NFIB: variants seen among roughly 807,000 people sequenced by gnomAD.
NFIB encodes nuclear factor I B.
Under a neutral mutation model 61.5 loss-of-function variants are expected in NFIB, and 11 were observed. The ratio of observed to expected loss-of-function variants is 0.18; its 90% CI spans 0.11 to 0.30. NFIB has a LOEUF of 0.30. Among genes scored for constraint, NFIB ranks in the 10% least tolerant of loss-of-function variants. NFIB has a pLI of 1.00. For synonymous variants in NFIB, 260 were observed against 216.5 expected (o/e 1.20, Z -1.76); for missense variants, 471 against 608.9 (o/e 0.77, Z 2.38).
chr9:14,469,808 A>C, the NFIB span, among the ~76,000 whole-genome samples: 3 of 152,184 alleles, frequency 2.0e-5, no homozygotes, highest in African/African-American at 7.2e-5. Context: ...TCCAACTCAA[A>C]CTAACCCAAG....
At chr9:14,146,657 A>G (rs1468024182) in intron 6 of NFIB, 32 bp downstream of exon 6, 8 of 1,612,414 alleles carry the variant, frequency 5.0e-6, no homozygotes, top group Admixed American at 3.3e-5. Context: ...CATTTTACTC[A>G]TGGTCTCTAG....
At chr9:14,173,161 C>A (rs896135650) in intron 3 of NFIB, among the ~76,000 whole-genome samples, 1 of 152,196 alleles carries the variant, frequency 6.6e-6, no homozygotes, top group African/African-American at 2.4e-5. Context: ...TATCAAGCAC[C>A]TGCTATCTGT....
At chr9:14,200,015 G>T (rs2048862117) in intron 2 of NFIB, among the ~76,000 whole-genome samples, 1 of 152,138 alleles carries the variant, frequency 6.6e-6, no homozygotes, top group Non-Finnish European at 1.5e-5. Context: ...GTTCCTTACT[G>T]CTGCTGCTAA....
At chr9:14,266,602 A>G (rs2057223543) in intron 2 of NFIB, among the ~76,000 whole-genome samples, 2 of 151,900 alleles carry the variant, frequency 1.3e-5, no homozygotes, top group Non-Finnish European at 2.9e-5. Flanking sequence ...CTCAAAAAAA[A>G]AACAATAAAA....
chr9:14,315,614 C>G (rs906401528), upstream of NFIB, among the ~76,000 whole-genome samples: 22 of 147,480 alleles, frequency 1.5e-4, no homozygotes, highest in African/African-American at 5.2e-4. Flanking sequence ...GCTCGGCGCC[C>G]GCGCCGGCTC....
chr9:14,346,193 G>C (rs577513762), intron 1 of NFIB, among the ~76,000 whole-genome samples: 15 of 151,734 alleles, frequency 9.9e-5, no homozygotes, highest in African/African-American at 3.6e-4. Context: ...GGGCGCCGGA[G>C]TCAAGTCTCC....
At chr9:14,193,362 C>A (rs952694662) in intron 2 of NFIB, among the ~76,000 whole-genome samples, 1 of 152,112 alleles carries the variant, frequency 6.6e-6, no homozygotes, top group Non-Finnish European at 1.5e-5. Flanking sequence ...AAATATGATA[C>A]ATTTACTTAT....
At chr9:14,316,874 AAG>A (rs2060555402), upstream of NFIB, among the ~76,000 whole-genome samples, 1 of 152,136 alleles carries the variant, frequency 6.6e-6, no homozygotes, top group African/African-American at 2.4e-5. Context: ...TTTACCATAA[AAG>A]ACATTCCCCT....
the NFIB span, among the ~76,000 whole-genome samples, chr9:14,521,056 A>T: frequency 3.3e-5 from 5 of 152,218 alleles, no homozygotes; most frequent in African/African-American, 1.2e-4. Flanking sequence ...GCTGAACAAA[A>T]GCAGCAATGA....
chr9:14,204,675 C>T (rs1176666874), intron 2 of NFIB: 1 of 636,192 alleles, frequency 1.6e-6, no homozygotes, highest in South Asian at 1.8e-5. Context: ...AACACCATCA[C>T]CACCTTGGTG....
the NFIB span, among the ~76,000 whole-genome samples, chr9:14,501,165 G>T: frequency 6.6e-6 from 1 of 152,130 alleles, no homozygotes; most frequent in Non-Finnish European, 1.5e-5. Context: ...AGAAGATACA[G>T]TCCTGTAGTT....
intron 2 of NFIB, among the ~76,000 whole-genome samples, chr9:14,228,916 G>A (rs2052774221): frequency 6.6e-6 from 1 of 151,814 alleles, no homozygotes; most frequent in Non-Finnish European, 1.5e-5. Flanking sequence ...TGGAATCTTA[G>A]AAATTCCTTT....
At chr9:14,386,175 A>G (rs961970700) in intron 1 of NFIB, among the ~76,000 whole-genome samples, 2 of 152,206 alleles carry the variant, frequency 1.3e-5, no homozygotes, top group Non-Finnish European at 2.9e-5. Context: ...TATATTACAT[A>G]CACTTGTCCA....
At chr9:14,401,266 C>T (rs1319350369), upstream of NFIB, among the ~76,000 whole-genome samples, 1 of 152,192 alleles carries the variant, frequency 6.6e-6, no homozygotes, top group Non-Finnish European at 1.5e-5. Context: ...GAGTCAATGT[C>T]CTGAATCTGT....
chr9:14,426,810 T>C, the NFIB span, among the ~76,000 whole-genome samples: 1 of 152,182 alleles, frequency 6.6e-6, no homozygotes, highest in Non-Finnish European at 1.5e-5. Flanking sequence ...CCTACTTCCC[T>C]GCCTGGGGAA....
chr9:14,462,278 T>C, the NFIB span, among the ~76,000 whole-genome samples: 2 of 151,942 alleles, frequency 1.3e-5, no homozygotes, highest in African/African-American at 4.8e-5. Flanking sequence ...TTTTTTTTCT[T>C]TTTTTCTTTT....
At chr9:14,347,581 T>TGGGTGAGGGGAGAA (rs1226325112) in intron 1 of NFIB, among the ~76,000 whole-genome samples, 11 of 95,606 alleles carry the variant, frequency 1.2e-4, no homozygotes, top group African/African-American at 4.5e-4. Context: ...TGGGTGCGAT[T>TGGGTGAGGGGAGAA]GGGAGAGGGG....
intron 1 of NFIB, among the ~76,000 whole-genome samples, chr9:14,378,275 T>A (rs2061442742): frequency 6.6e-6 from 1 of 152,230 alleles, no homozygotes; most frequent in African/African-American, 2.4e-5. Context: ...CTGGTTCATA[T>A]GTAGGGCTCA....
rs559064128 is a variant in NFIB at position 14,124,200 on chromosome 9, C to T, written c.1060+1432G>A. 2.0e-5 allele frequency among the ~76,000 whole-genome samples: 3 copies of T among 152,272 alleles called. No individual in the cohort carries two copies. In the East Asian group the frequency reaches 5.8e-4, roughly 29 times the overall value. ...TCCTGTTTCGTTATATAAAAATATA[C>T]TGTCTACTTTTTTTCACGTTAGAAA... is the stretch of plus-strand genomic sequence containing the variant. On this transcript the variant is annotated intron_variant, in intron 7 of 10. Coordinates refer to ENST00000380953, the MANE Select transcript of NFIB (RefSeq NM_001190737.2).
Sources: allele counts gnomAD v4.1 joint callset (sites outside exome capture counted in the v4.1 genomes callset), GRCh38; gene constraint gnomAD v4.1.1; transcripts MANE v1.5; gene names NCBI Gene and HGNC (gene_info 2026-07-23, HGNC 2026-07-21).